The following CAPS2 variants were observed in gnomAD, a reference collection of about 807,000 sequenced individuals.
The protein encoded by CAPS2 is calcyphosin-2.
In CAPS2, 98 loss-of-function variants were observed where a neutral mutation model predicts 86.5. The observed-to-expected ratio is 1.13, with a 90% CI of 0.96 to 1.34. The LOEUF (loss-of-function observed/expected upper bound fraction) is 1.34, where lower values mean the gene tolerates loss of function less well. CAPS2 is among the 40% of genes most tolerant of loss of function. The pLI is 0.00. For synonymous variants in CAPS2, 210 were observed against 225.1 expected, an observed-to-expected ratio of 0.93 and a Z score of 0.60; for missense variants, 729 against 686.8, an observed-to-expected ratio of 1.06 and a Z score of -0.69.
chr12:75,298,994 C>T, intron 9 of CAPS2, 28 bp from the exon 10 acceptor site: 3 of 1,389,302 alleles, frequency 2.2e-6, no homozygotes, highest in Non-Finnish European at 3.0e-6. Flanking sequence ...AATCAAACAT[C>T]TTCAAATAGA....
At chr12:75,305,102 G>A (rs1474734816) in intron 7 of CAPS2, among the ~76,000 whole-genome samples, 2 of 152,220 alleles carry the variant, frequency 1.3e-5, no homozygotes, top group East Asian at 1.9e-4. Context: ...AAATTTCGGA[G>A]GGAGCTAAGA....
chr12:75,365,772 C>A, intron 1 of CAPS2, among the ~76,000 whole-genome samples: 1 of 152,090 alleles, frequency 6.6e-6, no homozygotes, highest in South Asian at 2.1e-4. Flanking sequence ...CATTTTTATA[C>A]CCTATGAATT....
intron 1 of CAPS2, among the ~76,000 whole-genome samples, chr12:75,368,386 C>T (rs2044131841): frequency 6.6e-6 from 1 of 150,772 alleles, no homozygotes; most frequent in Admixed American, 6.6e-5. Flanking sequence ...ATCTCTTGAA[C>T]TAATGCTACT....
At chr12:75,296,010 T>C (rs907242099) in intron 11 of CAPS2, among the ~76,000 whole-genome samples, 1 of 152,244 alleles carries the variant, frequency 6.6e-6, no homozygotes, top group East Asian at 1.9e-4. Context: ...GATTGGAAGA[T>C]GGAGAACTAT....
chr12:75,293,385 T>C lies in CAPS2; in HGVS notation c.1045-18A>G, dbSNP rs760134523. ...GTTGCACCCTAAACAAAAGAACAGA[T>C]GAATGAAGCTAGAAAGCATGTAAGA... On this transcript the variant is annotated intron_variant, in intron 11 of 16. Transcript: ENST00000393284. The C allele has an allele frequency of 6.9e-7, 1 of 1,446,168 alleles. No homozygotes were observed. The highest frequency in any genetic ancestry group is 2.3e-5 in the East Asian group (1 of 43,834). The allele number at this position is 1,446,168 out of a possible 1,614,324, so 89.6% of individuals were successfully genotyped here.
chr12:75,311,705 AAAAAAACAAAAAAAAAAAC>A (rs1212099883), intron 7 of CAPS2, among the ~76,000 whole-genome samples: 13 of 13,484 alleles, frequency 9.6e-4, no homozygotes, highest in East Asian at 2.3e-3. Context: ...TGCAGGAAAA[AAAAAAACAAAAAAAAAAAC>A]AAAAAAAAAA....
chr12:75,381,354 C>T (rs1366750034), intron 1 of CAPS2, among the ~76,000 whole-genome samples: 1 of 152,004 alleles, frequency 6.6e-6, no homozygotes, highest in Non-Finnish European at 1.5e-5. Flanking sequence ...TGTAAATTGC[C>T]AAATCTCAGG....
chr12:75,363,096 T>A (rs1451941032), intron 1 of CAPS2: 2 of 1,509,004 alleles, frequency 1.3e-6, no homozygotes, highest in Non-Finnish European at 1.8e-6. Context: ...TTTCTCTTTT[T>A]TACAGAGGAA....
intron 15 of CAPS2, among the ~76,000 whole-genome samples, chr12:75,282,920 C>T (rs1488006379): frequency 6.6e-6 from 1 of 152,090 alleles, no homozygotes; most frequent in Non-Finnish European, 1.5e-5. Context: ...GTAACCTGAC[C>T]TCTATTTCCA....
chr12:75,369,699 A>G lies in CAPS2; in HGVS notation c.-395+21139T>C, dbSNP rs2044230537. ...TGGGAAAAATAAAGTTAACTACTTT[A>G]TAGCTTTTTCTGGTTTTGACTTTTG... On this transcript the variant is annotated intron_variant, in intron 1 of 5. Coordinates refer to the CAPS2 transcript ENST00000551829. The G allele has an allele frequency of 3.0e-6, 3 of 985,162 alleles. No individual in the cohort carries two copies. The East Asian group carries it at 3.4e-4, about 112-fold the overall frequency. 61.0% of individuals were successfully genotyped at this position (985,162 alleles called of 1,614,324 possible). A position where few individuals can be genotyped will look rare whatever the true frequency, so the allele number is the denominator to read the frequency against.
At chr12:75,364,587 T>A (rs1442833402) in intron 1 of CAPS2, among the ~76,000 whole-genome samples, 2 of 152,192 alleles carry the variant, frequency 1.3e-5, no homozygotes, top group Non-Finnish European at 2.9e-5. Flanking sequence ...TTAAGTAATA[T>A]AAAAGCCAAC....
In CAPS2 at chr12:75,300,043, A is replaced by C. The variant is rs558318375; in HGVS notation, c.780-132T>G. 7.4e-4 allele frequency: 323 copies of C among 436,498 alleles called. 1 individual carries two copies. The highest frequency in any genetic ancestry group is 5.5e-3 in the Middle Eastern group (9 of 1,630). 27.0% of individuals were successfully genotyped at this position (436,498 alleles called of 1,614,324 possible). On this transcript the variant is annotated intron_variant, in intron 8 of 16. Coordinates refer to ENST00000393284, the Ensembl canonical transcript of CAPS2. Reference sequence around the variant, plus strand: ...TGGATAACAATAAAGGTAAAAAAAAACTCTTTTTTTCAGATTGCTAATTGT... The same window carrying C: ...TGGATAACAATAAAGGTAAAAAAAACCTCTTTTTTTCAGATTGCTAATTGT...
At position 75,339,148 on chromosome 12, in the gene CAPS2, T is replaced by C. The variant is rs1397829339; in HGVS notation, c.-394-15926A>G. On this transcript the variant is annotated intron_variant, in intron 1 of 5. Coordinates refer to the CAPS2 transcript ENST00000551829. ...TGGGATTGCTGGGTCAAATGGTATT[T>C]CTGACTCTAGATCTTTGAGGAATTG... 3.3e-5 allele frequency among the ~76,000 whole-genome samples: 5 copies of C among 152,344 alleles called. No individual in the cohort carries two copies. In the East Asian group the frequency reaches 9.6e-4, roughly 29 times the overall value.
At chr12:75,293,264 G>A (rs1390955339) in exon 12 of CAPS2, 1 of 1,586,964 alleles carries the variant, frequency 6.3e-7, no homozygotes, top group South Asian at 1.1e-5. Context: ...AGAATCCAAA[G>A]CTATTTGATC....
At chr12:75,276,023 C>A (rs973408618), downstream of CAPS2, 6 of 487,600 alleles carry the variant, frequency 1.2e-5, no homozygotes, top group Non-Finnish European at 2.1e-5. Context: ...TCCAAGAAAT[C>A]AGTTTACCTC....
exon 17 of CAPS2, chr12:75,277,471 C>A: frequency 3.3e-6 from 3 of 912,570 alleles, no homozygotes; most frequent in Non-Finnish European, 2.6e-6. Flanking sequence ...CTTATTTCTG[C>A]CAAAATGTCT....
intron 1 of CAPS2, among the ~76,000 whole-genome samples, chr12:75,346,105 G>A (rs1380344548): frequency 3.9e-5 from 6 of 152,044 alleles, no homozygotes; most frequent in Middle Eastern, 6.8e-3. Context: ...GCAATACATC[G>A]TAAACCTACA....
chr12:75,300,555 CAAAAAAAAAAAAAAAAA>C (rs60853698), intron 8 of CAPS2, among the ~76,000 whole-genome samples: 2 of 83,024 alleles, frequency 2.4e-5, no homozygotes, highest in African/African-American at 4.7e-5. Context: ...GACTCCGTCT[CAAAAAAAAAAAAAAAAA>C]AAAAAAAAAA....
At chr12:75,303,114 A>G (rs1471916579) in intron 8 of CAPS2, among the ~76,000 whole-genome samples, 1 of 152,242 alleles carries the variant, frequency 6.6e-6, no homozygotes, top group Non-Finnish European at 1.5e-5. Context: ...CCAAATATCT[A>G]TCAACCTCTG....
Sources: allele counts gnomAD v4.1 joint callset (sites outside exome capture counted in the v4.1 genomes callset), GRCh38; gene constraint gnomAD v4.1.1; transcripts MANE v1.5; gene names NCBI Gene and HGNC (gene_info 2026-07-23, HGNC 2026-07-21).